Variants in MACF1 observed in about 807,000 individuals in gnomAD.
MACF1 encodes the protein microtubule actin crosslinking factor 1.
In MACF1, 193 loss-of-function variants were observed where a neutral mutation model predicts 854.8. That is an observed-to-expected ratio of 0.23 (90% CI 0.20 to 0.25). The LOEUF is 0.25. Ranked by LOEUF, MACF1 falls within the 10% of genes least tolerant of loss-of-function variation. The pLI, the probability that MACF1 is intolerant of heterozygous loss-of-function variation, is 1.00. For missense variants in MACF1, 7,722 were observed against 8,929.1 expected (o/e 0.86, Z 5.45); for synonymous variants, 3,185 against 3,226.7 (o/e 0.99, Z 0.44).
At chr1:39,394,538 G>A (rs537979988) in intron 58 of MACF1, among the ~76,000 whole-genome samples, 2 of 152,192 alleles carry the variant, frequency 1.3e-5, no homozygotes, top group Admixed American at 1.3e-4. Flanking sequence ...CAGGAGAATG[G>A]CTTGGACCTG....
intron 1 of MACF1, among the ~76,000 whole-genome samples, chr1:39,222,433 C>CT (rs971774727): frequency 6.6e-6 from 1 of 152,136 alleles, no homozygotes; most frequent in Non-Finnish European, 1.5e-5. Context: ...CCTACTTGTG[C>CT]TTTTTTTAAG....
At chr1:39,450,504 G>A (rs965705680) in intron 84 of MACF1, among the ~76,000 whole-genome samples, 2 of 151,914 alleles carry the variant, frequency 1.3e-5, no homozygotes, top group African/African-American at 4.8e-5. Context: ...GCTATAAGAT[G>A]CCTAAAGGGT....
At chr1:39,256,299 GGT>G in intron 5 of MACF1, among the ~76,000 whole-genome samples, 1 of 152,036 alleles carries the variant, frequency 6.6e-6, no homozygotes, top group East Asian at 1.9e-4. Flanking sequence ...GGCTGGTACT[GGT>G]AACCCACCAA....
At chr1:39,434,293 A>G in intron 68 of MACF1, 121 bp from the exon 69 acceptor site, 1 of 455,996 alleles carries the variant, frequency 2.2e-6, no homozygotes, top group South Asian at 6.6e-5. Context: ...CTTTACTGAT[A>G]TTTTAAAATA....
Position 39,204,819 on chromosome 1 carries a change from T to G in MACF1, c.-204T>G, listed in dbSNP as rs1485357847. 1.8e-6 allele frequency: 1 copy of G among 571,168 alleles called. No homozygotes were observed. Among genetic ancestry groups the G allele is most frequent in the Non-Finnish European group, 3.1e-6 (1 of 319,714 alleles). The allele number at this position is 571,168 out of a possible 1,614,324, so 35.4% of individuals were successfully genotyped here. ...CTTTGTCTGAGATACACTGTACAGT[T>G]TTAGTCCCAGTCTACTAGCGCCTGC... On this transcript the variant is annotated 5_prime_UTR_variant, in exon 1 of 101. Transcript: ENST00000564288.
rs1409948927 is a variant in MACF1, at chr1:39,448,776, G to A, written c.20258+13G>A. Reference sequence around the variant, plus strand: ...AGTCTGTGGAGCGGTGAGCATGAATGTCCCCTTCAGGGGTCTAACCGGGAT... The same window carrying A: ...AGTCTGTGGAGCGGTGAGCATGAATATCCCCTTCAGGGGTCTAACCGGGAT... On this transcript the variant is annotated intron_variant, in intron 84 of 100. Coordinates refer to ENST00000564288, the MANE Select transcript of MACF1 (RefSeq NM_001394062.1). The A allele has an allele frequency of 1.9e-6, 3 of 1,598,308 alleles. No homozygotes were observed. The highest frequency in any genetic ancestry group is 2.3e-5 in the South Asian group (2 of 88,848).
chr1:39,142,220 T>A (rs968085498), intron 2 of MACF1, among the ~76,000 whole-genome samples: 11 of 152,220 alleles, frequency 7.2e-5, no homozygotes, highest in Non-Finnish European at 1.0e-4. Context: ...CAGCTGACCC[T>A]CTGGTAGCTA....
chr1:39,437,345 C>G (rs1382511258), intron 70 of MACF1, among the ~76,000 whole-genome samples: 1 of 148,112 alleles, frequency 6.8e-6, no homozygotes, highest in East Asian at 2.0e-4. Flanking sequence ...AAGTCTTACT[C>G]TGTCGCCCAG....
chr1:39,358,034 T>C, intron 45 of MACF1, 141 bp downstream of exon 45: 1 of 881,530 alleles, frequency 1.1e-6, no homozygotes, highest in East Asian at 2.7e-5. Context: ...GCAGAAGGTC[T>C]TCACAAACAA....
chr1:39,416,297 A>G (rs1226008616), intron 58 of MACF1, among the ~76,000 whole-genome samples: 3 of 152,066 alleles, frequency 2.0e-5, no homozygotes, highest in Non-Finnish European at 2.9e-5. Context: ...CGAGATCCCA[A>G]TAGCCTGTAC....
chr1:39,100,885 A>T (rs567253694), intron 2 of MACF1, among the ~76,000 whole-genome samples: 64 of 151,964 alleles, frequency 4.2e-4, no homozygotes, highest in African/African-American at 1.2e-3. Flanking sequence ...TAAATTAAAT[A>T]AAGTAAACAA....
At chr1:39,382,215 G>T in intron 56 of MACF1, 63 bp downstream of exon 56, 1 of 1,464,882 alleles carries the variant, frequency 6.8e-7, no homozygotes. Context: ...GTTTCTCCCA[G>T]TAAGTAGATT....
intron 2 of MACF1, among the ~76,000 whole-genome samples, chr1:39,095,120 G>T (rs944665811): frequency 1.3e-5 from 2 of 151,922 alleles, no homozygotes; most frequent in African/African-American, 4.8e-5. Context: ...ATGTGATTGG[G>T]CAAAAAGGGT....
At chr1:39,279,016 T>C (rs547054463) in intron 6 of MACF1, among the ~76,000 whole-genome samples, 1 of 152,246 alleles carries the variant, frequency 6.6e-6, no homozygotes, top group Non-Finnish European at 1.5e-5. Flanking sequence ...CTGCTTTTGT[T>C]GCTTTAGAAT....
chr1:39,440,852 A>G (rs888288711), intron 72 of MACF1, 151 bp from the exon 73 acceptor site: 1 of 646,520 alleles, frequency 1.5e-6, no homozygotes, highest in Non-Finnish European at 2.7e-6. Context: ...AAAAATAACC[A>G]TGTAGAGTCT....
chr1:39,427,214 A>G (rs1198938821), intron 61 of MACF1, among the ~76,000 whole-genome samples: 1 of 152,136 alleles, frequency 6.6e-6, no homozygotes, highest in African/African-American at 2.4e-5. Flanking sequence ...ATAGGGGGAT[A>G]ATTATTCTTT....
chr1:39,179,522 G>A (rs1281566350), intron 2 of MACF1, among the ~76,000 whole-genome samples: 3 of 152,144 alleles, frequency 2.0e-5, no homozygotes, highest in African/African-American at 4.8e-5. Flanking sequence ...TAAAATGGAG[G>A]TGATAATTTC....
intron 6 of MACF1, among the ~76,000 whole-genome samples, chr1:39,263,520 G>A (rs1317816201): frequency 6.6e-6 from 1 of 152,060 alleles, no homozygotes. Flanking sequence ...TGTTATATTT[G>A]CTTCAGGGTT....
intron 58 of MACF1, among the ~76,000 whole-genome samples, chr1:39,403,273 A>G (rs1362861311): frequency 2.0e-5 from 3 of 151,850 alleles, no homozygotes; most frequent in African/African-American, 7.3e-5. Context: ...TAATTTTTGT[A>G]TTTTTAGTAG....
Sources: allele counts gnomAD v4.1 joint callset (sites outside exome capture counted in the v4.1 genomes callset), GRCh38; gene constraint gnomAD v4.1.1; transcripts MANE v1.5; gene names NCBI Gene and HGNC (gene_info 2026-07-23, HGNC 2026-07-21).